The following GRID2 variants were observed in gnomAD, a reference collection of about 807,000 sequenced individuals.
The protein encoded by GRID2 is glutamate ionotropic receptor delta type subunit 2.
A neutral mutation model predicts 114.8 loss-of-function variants in GRID2; 33 were observed. That is an observed-to-expected ratio of 0.29 (90% CI 0.22 to 0.38). GRID2 has a LOEUF of 0.38. Ranked by LOEUF, GRID2 falls within the 10% of genes least tolerant of loss-of-function variation. The pLI is 1.00. For synonymous variants in GRID2, 505 were observed against 449.9 expected (o/e 1.12, Z -1.55); for missense variants, 1,184 against 1,257.7 (o/e 0.94, Z 0.89).
At chr4:93,302,142 T>A (rs1754940968) in intron 8 of GRID2, among the ~76,000 whole-genome samples, 1 of 152,230 alleles carries the variant, frequency 6.6e-6, no homozygotes, top group Admixed American at 6.5e-5. Flanking sequence ...CTTATGTTTT[T>A]GCTTTCAACC....
At chr4:93,046,610 T>A (rs1288237392) in intron 2 of GRID2, among the ~76,000 whole-genome samples, 1 of 152,020 alleles carries the variant, frequency 6.6e-6, no homozygotes. Flanking sequence ...CAGAGTAGTT[T>A]TCAGTCAACA....
intron 1 of GRID2, among the ~76,000 whole-genome samples, chr4:92,477,305 A>C (rs935992934): frequency 1.3e-5 from 2 of 152,070 alleles, no homozygotes; most frequent in Non-Finnish European, 2.9e-5. Flanking sequence ...TTTTAGTATT[A>C]CTGTGGAGAA....
intron 1 of GRID2, among the ~76,000 whole-genome samples, chr4:92,470,747 G>T (rs1721993284): frequency 6.6e-6 from 1 of 151,844 alleles, no homozygotes; most frequent in Non-Finnish European, 1.5e-5. Flanking sequence ...ATAAAATTAC[G>T]AGTGCCCACT....
At chr4:93,219,363 A>G (rs937501554) in intron 6 of GRID2, among the ~76,000 whole-genome samples, 1 of 152,124 alleles carries the variant, frequency 6.6e-6, no homozygotes, top group African/African-American at 2.4e-5. Flanking sequence ...CAAATATTTT[A>G]TTTATGTCTA....
intron 2 of GRID2, among the ~76,000 whole-genome samples, chr4:93,042,352 T>G (rs991527214): frequency 6.9e-6 from 1 of 145,442 alleles, no homozygotes; most frequent in African/African-American, 2.5e-5. Context: ...ATTCTGCACA[T>G]GTACCTTAGA....
At position 93,787,276 on chromosome 4, in the gene GRID2, T is replaced by C. The variant is rs532125647; in HGVS notation, c.221+17826T>C. On this transcript the variant is annotated intron_variant, in intron 1 of 1. Transcript: ENST00000637838. ...TGTTAAGCATCTGACTTGACTACCA[T>C]AGAGGCATAGAGTCAAGTTAGCAGG... Among the ~76,000 whole-genome samples the C allele has an allele frequency of 3.9e-5, 6 of 152,152 alleles. 1 individual carries two copies. In the South Asian group the frequency reaches 1.2e-3, roughly 32 times the overall value.
At chr4:93,018,300 A>G (rs1722967194) in intron 2 of GRID2, among the ~76,000 whole-genome samples, 1 of 151,562 alleles carries the variant, frequency 6.6e-6, no homozygotes. Context: ...TTTTATATAA[A>G]ATGGCATTTT....
intron 12 of GRID2, among the ~76,000 whole-genome samples, chr4:93,510,555 C>G (rs572328958): frequency 1.2e-4 from 18 of 152,028 alleles, no homozygotes; most frequent in Non-Finnish European, 2.5e-4. Flanking sequence ...ATAAATGTCC[C>G]AGAGAGTTTG....
rs572284257 is a variant in GRID2, at chr4:92,769,705, C to T, written c.244+179419C>T. Among the ~76,000 whole-genome samples, 6 of 152,328 alleles carry T rather than the reference C, an allele frequency of 3.9e-5. No homozygotes were observed. In the South Asian group the frequency reaches 1.2e-3, roughly 32 times the overall value. ...GCTGCCAAGGCTTGGGGCTTGCACC[C>T]TCTAAAGCCACAGCCCAAGGTGTAC... On this transcript the variant is annotated intron_variant, in intron 2 of 15. Coordinates refer to ENST00000282020, the MANE Select transcript of GRID2 (RefSeq NM_001510.4).
At chr4:92,810,710 T>C (rs1740627272) in intron 2 of GRID2, among the ~76,000 whole-genome samples, 1 of 152,118 alleles carries the variant, frequency 6.6e-6, no homozygotes, top group African/African-American at 2.4e-5. Context: ...ATAACTACTT[T>C]TGTAAAATAC....
intron 1 of GRID2, among the ~76,000 whole-genome samples, chr4:92,524,579 T>G (rs1218514068): frequency 6.6e-6 from 1 of 151,734 alleles, no homozygotes; most frequent in African/African-American, 2.4e-5. Flanking sequence ...ATCCTGGTAA[T>G]TACATTGGAC....
At chr4:92,659,007 T>G (rs1422733847) in intron 2 of GRID2, among the ~76,000 whole-genome samples, 1 of 148,614 alleles carries the variant, frequency 6.7e-6, no homozygotes, top group Non-Finnish European at 1.5e-5. Flanking sequence ...AGTACTGTAG[T>G]GTTATTTTCT....
At chr4:93,057,797 A>T (rs17020132) in intron 2 of GRID2, among the ~76,000 whole-genome samples, 1 of 151,594 alleles carries the variant, frequency 6.6e-6, no homozygotes, top group African/African-American at 2.4e-5. Context: ...TCTTATCTGC[A>T]TTTAATATTA....
intron 2 of GRID2, among the ~76,000 whole-genome samples, chr4:92,868,440 G>A (rs1341329678): frequency 6.6e-6 from 1 of 152,028 alleles, no homozygotes; most frequent in Non-Finnish European, 1.5e-5. Flanking sequence ...CCATACATAC[G>A]AATTTATCTA....
chr4:92,883,106 A>T (rs988691486), intron 2 of GRID2, among the ~76,000 whole-genome samples: 1 of 152,194 alleles, frequency 6.6e-6, no homozygotes, highest in African/African-American at 2.4e-5. Context: ...AGTCCTCTCA[A>T]ACTCCATCAC....
intron 13 of GRID2, among the ~76,000 whole-genome samples, chr4:93,572,235 A>C (rs1413088244): frequency 6.6e-6 from 1 of 152,112 alleles, no homozygotes; most frequent in African/African-American, 2.4e-5. Flanking sequence ...AAATGCAAAA[A>C]ATTGTGTAAT....
At chr4:93,197,746 A>G (rs902786520) in intron 4 of GRID2, among the ~76,000 whole-genome samples, 1 of 152,150 alleles carries the variant, frequency 6.6e-6, no homozygotes, top group East Asian at 1.9e-4. Context: ...GACTCAGAGT[A>G]TGTAACATAC....
chr4:92,442,469 G>A (rs1300625551), intron 1 of GRID2, among the ~76,000 whole-genome samples: 4 of 152,204 alleles, frequency 2.6e-5, no homozygotes, highest in Admixed American at 1.3e-4. Context: ...CCTGGCCGCT[G>A]CGGTTCAGGC....
chr4:93,734,058 C>A (rs1282360868), intron 14 of GRID2, among the ~76,000 whole-genome samples: 1 of 151,996 alleles, frequency 6.6e-6, no homozygotes, highest in African/African-American at 2.4e-5. Flanking sequence ...CATTGAAACT[C>A]TGCTTCTTTC....
Sources: gnomAD v4.1 joint callset for allele counts (sites outside exome capture counted in the v4.1 genomes callset) on GRCh38, gnomAD v4.1.1 for gene constraint, MANE v1.5 for transcripts, NCBI Gene and HGNC (gene_info 2026-07-23, HGNC 2026-07-21) for gene names.